GRID2: variants seen among roughly 807,000 people sequenced by gnomAD.
GRID2 encodes the protein glutamate ionotropic receptor delta type subunit 2, also known as glutamate receptor ionotropic, delta-2.
In GRID2, 33 loss-of-function variants were observed where a neutral mutation model predicts 114.8. That is an observed-to-expected ratio of 0.29 (90% CI 0.22 to 0.38). GRID2 has a LOEUF of 0.38. Ranked by LOEUF, GRID2 falls within the 10% of genes least tolerant of loss-of-function variation. The probability of loss-of-function intolerance (pLI) is 1.00; values close to 1 mark genes in which losing one functional copy is unlikely to be tolerated. For synonymous variants in GRID2, 505 were observed against 449.9 expected, an observed-to-expected ratio of 1.12 and a Z score of -1.55; for missense variants, 1,184 against 1,257.7, an observed-to-expected ratio of 0.94 and a Z score of 0.89.
chr4:92,910,269 A>G (rs1222444158), intron 2 of GRID2, among the ~76,000 whole-genome samples: 1 of 152,126 alleles, frequency 6.6e-6, no homozygotes, highest in African/African-American at 2.4e-5. Flanking sequence ...GGAAGATTTT[A>G]CAATTACAGA....
intron 2 of GRID2, among the ~76,000 whole-genome samples, chr4:93,019,686 C>A (rs1198788275): frequency 6.6e-6 from 1 of 152,094 alleles, no homozygotes; most frequent in Admixed American, 6.6e-5. Context: ...GGATTACATG[C>A]CCAAAGCCTT....
At chr4:92,842,242 T>C (rs1742964241) in intron 2 of GRID2, among the ~76,000 whole-genome samples, 1 of 152,144 alleles carries the variant, frequency 6.6e-6, no homozygotes, top group Admixed American at 6.6e-5. Context: ...TTTGTTTTAC[T>C]TGAAAGGACT....
At chr4:93,042,663 C>A (rs1254934098) in intron 2 of GRID2, among the ~76,000 whole-genome samples, 3 of 143,536 alleles carry the variant, frequency 2.1e-5, no homozygotes, top group African/African-American at 5.1e-5. Context: ...ATATTTCTAT[C>A]TCTCTCTCTA....
chr4:93,468,478 A>G lies in GRID2; in HGVS notation c.1858+12504A>G, dbSNP rs150646359. On this transcript the variant is annotated intron_variant, in intron 11 of 15. Transcript: ENST00000282020. ...ATGTATGGAACTGTTACAATTTTCA[A>G]TTTGTTGCAGTAAGCCTCTTTGAGA... Among the ~76,000 whole-genome samples the G allele has an allele frequency of 2.0e-5, 3 of 152,306 alleles. No homozygotes were observed. The East Asian group carries it at 5.8e-4, about 29-fold the overall frequency.
chr4:92,515,319 G>A (rs892253677), intron 1 of GRID2, among the ~76,000 whole-genome samples: 7 of 151,728 alleles, frequency 4.6e-5, no homozygotes, highest in South Asian at 2.1e-4. Flanking sequence ...TGTAGTGCCC[G>A]TCACCTTGTT....
intron 2 of GRID2, among the ~76,000 whole-genome samples, chr4:92,658,750 T>G (rs976776734): frequency 2.0e-5 from 3 of 150,372 alleles, no homozygotes; most frequent in African/African-American, 7.3e-5. Context: ...AATGCTTAAT[T>G]TTGAACTACA....
chr4:93,159,849 T>A (rs1288366683), intron 4 of GRID2, among the ~76,000 whole-genome samples: 1 of 151,730 alleles, frequency 6.6e-6, no homozygotes, highest in Non-Finnish European at 1.5e-5. Context: ...GTAGGATAAT[T>A]GTACAAAACT....
intron 2 of GRID2, among the ~76,000 whole-genome samples, chr4:92,992,266 GA>G (rs1754952852): frequency 2.0e-5 from 3 of 152,254 alleles, no homozygotes; most frequent in South Asian, 4.1e-4. Flanking sequence ...ATTTAGGTCA[GA>G]GGGGGGCATT....
chr4:93,696,360 A>G (rs1727019880), intron 14 of GRID2, among the ~76,000 whole-genome samples: 1 of 152,194 alleles, frequency 6.6e-6, no homozygotes, highest in Admixed American at 6.5e-5. Context: ...TGCTCAATTT[A>G]ACACTTTTAA....
At chr4:93,401,314 A>G (rs1236474391) in intron 9 of GRID2, among the ~76,000 whole-genome samples, 1 of 151,994 alleles carries the variant, frequency 6.6e-6, no homozygotes, top group Non-Finnish European at 1.5e-5. Context: ...TGTGATAGTG[A>G]TTTTTCTGCA....
chr4:92,726,587 TTTC>T (rs1232639974), intron 2 of GRID2, among the ~76,000 whole-genome samples: 3 of 152,196 alleles, frequency 2.0e-5, no homozygotes, highest in Admixed American at 1.3e-4. Flanking sequence ...CCATAAAATA[TTTC>T]TTATTTTGAA....
intron 8 of GRID2, among the ~76,000 whole-genome samples, chr4:93,327,504 G>A (rs1409488453): frequency 6.6e-6 from 1 of 151,872 alleles, no homozygotes; most frequent in African/African-American, 2.4e-5. Flanking sequence ...ACTCTCCCTT[G>A]TATAGTCAGT....
At chr4:92,762,868 C>G (rs948437214) in intron 2 of GRID2, among the ~76,000 whole-genome samples, 1 of 152,228 alleles carries the variant, frequency 6.6e-6, no homozygotes. Context: ...GGATGCTACT[C>G]TTCTCTGTTT....
chr4:92,539,915 C>T (rs1332785449), intron 1 of GRID2, among the ~76,000 whole-genome samples: 2 of 152,050 alleles, frequency 1.3e-5, no homozygotes, highest in Admixed American at 6.6e-5. Context: ...GCTACAATAA[C>T]CAAAACAGCA....
At chr4:93,365,859 A>G (rs944435520) in intron 8 of GRID2, among the ~76,000 whole-genome samples, 2 of 152,182 alleles carry the variant, frequency 1.3e-5, no homozygotes, top group Non-Finnish European at 2.9e-5. Flanking sequence ...TTTCATGGAC[A>G]TTTATTAGTT....
chr4:93,707,995 A>C (rs1017139435), intron 14 of GRID2, among the ~76,000 whole-genome samples: 2 of 151,756 alleles, frequency 1.3e-5, no homozygotes, highest in Non-Finnish European at 3.0e-5. Context: ...TGTTTGTATA[A>C]TTTTCAAAAT....
chr4:93,440,384 A>G (rs1040159045), intron 10 of GRID2, among the ~76,000 whole-genome samples: 13 of 152,110 alleles, frequency 8.5e-5, no homozygotes, highest in Non-Finnish European at 1.3e-4. Context: ...AAGCCCTTAT[A>G]GAGACTTTAA....
intron 2 of GRID2, among the ~76,000 whole-genome samples, chr4:92,831,539 G>A (rs1000622005): frequency 8.6e-5 from 13 of 151,502 alleles, no homozygotes; most frequent in Middle Eastern, 3.4e-3. Flanking sequence ...AAGTTAACTG[G>A]CAGAAAGCTT....
chr4:93,452,703 T>C (rs1435448010), intron 10 of GRID2, among the ~76,000 whole-genome samples: 1 of 152,118 alleles, frequency 6.6e-6, no homozygotes, highest in Non-Finnish European at 1.5e-5. Context: ...TTCTATGTTC[T>C]CTATATAATA....
Sources: gnomAD v4.1 joint callset for allele counts (sites outside exome capture counted in the v4.1 genomes callset) on GRCh38, gnomAD v4.1.1 for gene constraint, MANE v1.5 for transcripts, NCBI Gene and HGNC (gene_info 2026-07-23, HGNC 2026-07-21) for gene names.